Variants in PLD5 observed in about 807,000 individuals in gnomAD.
The protein encoded by PLD5 is inactive phospholipase D5.
In PLD5, 36 loss-of-function variants were observed where a neutral mutation model predicts 61.1. The observed-to-expected ratio is 0.59, with a 90% CI of 0.45 to 0.78. The LOEUF (loss-of-function observed/expected upper bound fraction) is 0.78. Ranked by LOEUF, PLD5 falls within the 30% of genes least tolerant of loss-of-function variation. The pLI is 0.00. For missense variants in PLD5, 515 were observed against 644.4 expected (o/e 0.80, Z 2.17); for synonymous variants, 243 against 242.8 (o/e 1.00, Z -0.01).
chr1:242,375,568 A>G (rs1288442516), intron 1 of PLD5, among the ~76,000 whole-genome samples: 2 of 152,222 alleles, frequency 1.3e-5, no homozygotes, highest in African/African-American at 4.8e-5. Context: ...ACTACAGTAT[A>G]TCATGCAAGT....
intron 4 of PLD5, among the ~76,000 whole-genome samples, chr1:242,237,881 A>G (rs1192961857): frequency 6.6e-6 from 1 of 152,174 alleles, no homozygotes; most frequent in African/African-American, 2.4e-5. Context: ...TATCCCATAA[A>G]ACATTTGGGC....
chr1:242,522,276 T>C (rs1420179697), intron 1 of PLD5, among the ~76,000 whole-genome samples: 2 of 152,216 alleles, frequency 1.3e-5, no homozygotes, highest in African/African-American at 2.4e-5. Context: ...GAAGAAAGCA[T>C]AGATGCTCAC....
chr1:242,235,228 A>G (rs1671561990), intron 4 of PLD5, among the ~76,000 whole-genome samples: 1 of 152,198 alleles, frequency 6.6e-6, no homozygotes, highest in Non-Finnish European at 1.5e-5. Flanking sequence ...CCACATCCAG[A>G]GGCATTCAAC....
At chr1:242,490,209 G>A (rs554126154) in intron 1 of PLD5, among the ~76,000 whole-genome samples, 9 of 152,244 alleles carry the variant, frequency 5.9e-5, no homozygotes, top group Admixed American at 3.3e-4. Context: ...TGTTAGGTTT[G>A]GGTCTTACTG....
chr1:242,091,566 T>C (rs1659825228), intron 9 of PLD5, among the ~76,000 whole-genome samples: 1 of 152,234 alleles, frequency 6.6e-6, no homozygotes. Flanking sequence ...TAACAGTATG[T>C]GCTTTCGGGA....
intron 1 of PLD5, among the ~76,000 whole-genome samples, chr1:242,351,858 C>A (rs1660495555): frequency 6.6e-6 from 1 of 152,154 alleles, no homozygotes; most frequent in Non-Finnish European, 1.5e-5. Context: ...CATTTAGCAA[C>A]TATATAAAAC....
chr1:242,231,243 C>A (rs1671282099), intron 4 of PLD5, among the ~76,000 whole-genome samples: 1 of 152,112 alleles, frequency 6.6e-6, no homozygotes, highest in African/African-American at 2.4e-5. Flanking sequence ...TCTTCCTCCT[C>A]CCTGTTGAGG....
intron 2 of PLD5, among the ~76,000 whole-genome samples, chr1:242,328,023 C>T (rs1400956030): frequency 6.6e-6 from 1 of 152,056 alleles, no homozygotes; most frequent in Non-Finnish European, 1.5e-5. Context: ...TGCAGGAAGT[C>T]ATGGTTGCAC....
chr1:242,506,693 C>G (rs1280088781), intron 1 of PLD5, among the ~76,000 whole-genome samples: 1 of 152,140 alleles, frequency 6.6e-6, no homozygotes, highest in Non-Finnish European at 1.5e-5. Context: ...TAAAGCTCAT[C>G]TCCACAGAAA....
At chr1:242,507,008 T>C (rs1204702521) in intron 1 of PLD5, among the ~76,000 whole-genome samples, 1 of 152,078 alleles carries the variant, frequency 6.6e-6, no homozygotes, top group African/African-American at 2.4e-5. Flanking sequence ...GGGTGAGAGG[T>C]GGCCCAGGCG....
intron 1 of PLD5, among the ~76,000 whole-genome samples, chr1:242,512,257 A>C (rs1419174489): frequency 3.4e-5 from 3 of 88,056 alleles, no homozygotes; most frequent in African/African-American, 1.4e-4. Flanking sequence ...TAAAAATACA[A>C]AAAAAAAAAA....
intron 1 of PLD5, among the ~76,000 whole-genome samples, chr1:242,513,426 G>GA (rs67201793): frequency 0.4 from 61,499 of 151,896 alleles, 13,355 homozygotes; most frequent in African/African-American, 0.56. Flanking sequence ...ATTGAGGGCA[G>GA]AGATAGACAG....
At chr1:242,526,865 G>A (rs1669458809), upstream of PLD5, among the ~76,000 whole-genome samples, 1 of 152,096 alleles carries the variant, frequency 6.6e-6, no homozygotes, top group Non-Finnish European at 1.5e-5. Context: ...ATTGTTAACA[G>A]AAAGATGTTA....
chr1:242,309,388 C>CTTTT (rs368753685), intron 2 of PLD5, among the ~76,000 whole-genome samples: 1 of 138,072 alleles, frequency 7.2e-6, no homozygotes. Context: ...GTTTTCTTTT[C>CTTTT]TTTTTTTTTT....
intron 5 of PLD5, among the ~76,000 whole-genome samples, chr1:242,180,052 T>C (rs755816035): frequency 6.6e-6 from 1 of 152,106 alleles, no homozygotes; most frequent in Non-Finnish European, 1.5e-5. Context: ...TTGCTTTTAG[T>C]TTATTTAAAC....
intron 4 of PLD5, among the ~76,000 whole-genome samples, chr1:242,247,624 T>A (rs1672464931): frequency 6.6e-6 from 1 of 152,138 alleles, no homozygotes; most frequent in African/African-American, 2.4e-5. Flanking sequence ...AGGACATGAG[T>A]TGTGTCTGAC....
At chr1:242,113,756 C>G (rs958180553) in intron 7 of PLD5, 134 bp downstream of exon 7, 6 of 1,105,996 alleles carry the variant, frequency 5.4e-6, no homozygotes, top group Non-Finnish European at 7.4e-6. Context: ...GCATGTTAAA[C>G]AGCAATGAAT....
intron 5 of PLD5, among the ~76,000 whole-genome samples, chr1:242,177,093 A>T (rs1445984600): frequency 6.6e-6 from 1 of 152,248 alleles, no homozygotes; most frequent in Non-Finnish European, 1.5e-5. Context: ...CCAAAGGATT[A>T]TAAATCATTC....
intron 5 of PLD5, among the ~76,000 whole-genome samples, chr1:242,190,388 C>T (rs1410456631): frequency 2.6e-5 from 4 of 151,734 alleles, no homozygotes; most frequent in African/African-American, 4.8e-5. Context: ...CCGCGTGATC[C>T]GCCCACCTCG....
Sources: gnomAD v4.1 joint callset for allele counts (sites outside exome capture counted in the v4.1 genomes callset) on GRCh38, gnomAD v4.1.1 for gene constraint, MANE v1.5 for transcripts, NCBI Gene and HGNC (gene_info 2026-07-23, HGNC 2026-07-21) for gene names.